AHNAK: variants seen among roughly 807,000 people sequenced by gnomAD.
AHNAK encodes the protein AHNAK nucleoprotein, also known as neuroblast differentiation-associated protein AHNAK.
A neutral mutation model predicts 37.8 loss-of-function variants in AHNAK; 23 were observed. The observed-to-expected ratio is 0.61, with a 90% CI of 0.44 to 0.86. AHNAK has a LOEUF of 0.86. Among genes scored for constraint, AHNAK ranks in the 40% least tolerant of loss-of-function variants. The probability of loss-of-function intolerance (pLI) is 0.00; values close to 1 mark genes in which losing one functional copy is unlikely to be tolerated. For missense variants in AHNAK, 7,411 were observed against 7,319.4 expected (o/e 1.01, Z -0.46); for synonymous variants, 2,481 against 2,636.3 (o/e 0.94, Z 1.80).
In AHNAK at chr11:62,522,863, G is replaced by A. The variant is rs755792371; in HGVS notation, c.11554C>T (p.Pro3852Ser). ...TTGGGACCTTTCAACTTTCCCTCTG[G>A]GCCTTCGATATTCACATCTGGAACA... is the stretch of plus-strand genomic sequence containing the variant. ...IDVPDVNIEG[P>S]EGKLKGPKFK... The change falls in exon 5 of 5, where the codon CCA (proline) becomes TCA (serine). Residue 3852 changes from proline (P) to serine (S), a missense_variant. Pro to Ser is a moderately conservative substitution (Grantham distance 74). Transcript: ENST00000378024. 5.0e-6 allele frequency: 8 copies of A among 1,611,374 alleles called. No individual in the cohort carries two copies. The East Asian group carries it at 1.1e-4, about 23-fold the overall frequency.
intron 4 of AHNAK, among the ~76,000 whole-genome samples, chr11:62,495,852 C>T (rs540716506): frequency 6.6e-6 from 1 of 152,026 alleles, no homozygotes; most frequent in East Asian, 1.9e-4. Flanking sequence ...AGTTCGAGAC[C>T]AGCCTGGCCA....
At chr11:62,455,216 A>G (rs1938630509) in intron 5 of AHNAK, among the ~76,000 whole-genome samples, 1 of 151,074 alleles carries the variant, frequency 6.6e-6, no homozygotes, top group Non-Finnish European at 1.5e-5. Context: ...TACAGGCATG[A>G]GCCACCGCAC....
intron 4 of AHNAK, among the ~76,000 whole-genome samples, chr11:62,509,082 G>C (rs1310961903): frequency 1.3e-5 from 2 of 152,064 alleles, no homozygotes; most frequent in African/African-American, 4.8e-5. Context: ...CTCCTGACAC[G>C]AGGCACCAAA....
chr11:62,491,758 GC>G lies in AHNAK; in HGVS notation c.415del (p.Ala139GlnfsTer27), dbSNP rs1177670317. ...TGCATTTGGGGTGGAGACTGAAACT[GC>G]CCCGGCTTGGCTGCTGGCTTCCTTC... On this transcript the variant is annotated frameshift_variant, in exon 5 of 6. Coordinates refer to the AHNAK transcript ENST00000257247. LOFTEE classifies it high-confidence loss of function. 6.2e-7 allele frequency: 1 copy of G among 1,612,512 alleles called. No individual in the cohort carries two copies. Among genetic ancestry groups the G allele is most frequent in the South Asian group, 1.1e-5 (1 of 90,524 alleles).
intron 5 of AHNAK, among the ~76,000 whole-genome samples, chr11:62,448,758 A>G (rs1180674779): frequency 1.3e-5 from 2 of 152,160 alleles, no homozygotes; most frequent in Non-Finnish European, 2.9e-5. Context: ...GGAATTGTCA[A>G]CCTACAGATG....
chr11:62,529,017 A>G lies in AHNAK; in HGVS notation c.5400T>C (p.Asp1800=). The G allele has an allele frequency of 6.2e-7, 1 of 1,614,164 alleles. No individual in the cohort carries two copies. The highest frequency in any genetic ancestry group is 8.5e-7 in the Non-Finnish European group (1 of 1,180,028). The stretch of plus-strand genomic sequence containing the variant: ...CACCTTCCAGTTCTGGCACAGAAGC[A>G]TCTATCTCTCCCTTCAGTTTGGGTC... ...LKGPKLKGEI[D]ASVPELEGDL... Residue 1800 remains aspartate, a synonymous_variant, in exon 5 of 5, where the codon GAT becomes GAC. Transcript: ENST00000378024.
downstream of AHNAK, among the ~76,000 whole-genome samples, chr11:62,515,727 C>G (rs1402187367): frequency 6.6e-6 from 1 of 152,226 alleles, no homozygotes; most frequent in Non-Finnish European, 1.5e-5. Flanking sequence ...CCAGCCTCAC[C>G]ATGAGAATCA....
chr11:62,517,115 A>G lies in AHNAK; in HGVS notation c.17302T>C (p.Phe5768Leu), dbSNP rs755631097. 1.9e-6 allele frequency: 3 copies of G among 1,613,234 alleles called. No individual in the cohort carries two copies. The highest frequency in any genetic ancestry group is 1.7e-6 in the Non-Finnish European group (2 of 1,179,844). Residue 5768 changes from phenylalanine to leucine, a missense_variant, in exon 5 of 5, where the codon TTC becomes CTC. By Grantham distance (22) the Phe-to-Leu change is conservative. Transcript: ENST00000378024. Reference sequence around the variant, plus strand: ...GGCTTCTTACTTTTAAATAAGGAGAATTTGCCTTTCGGTGAAGAGGCTTCG... The same window carrying G: ...GGCTTCTTACTTTTAAATAAGGAGAGTTTGCCTTTCGGTGAAGAGGCTTCG... ...EAEASSPKGK[F>L]SLFKSKKPRH...
intron 4 of AHNAK, among the ~76,000 whole-genome samples, chr11:62,495,291 T>C (rs562643087): frequency 5.3e-4 from 81 of 152,006 alleles, no homozygotes; most frequent in Non-Finnish European, 7.6e-4. Flanking sequence ...TTAGGAAATA[T>C]GAAAGAAGGA....
Position 62,527,618 on chromosome 11 carries a change from A to C in AHNAK, c.6799T>G (p.Leu2267Val). 6.2e-7 allele frequency: 1 copy of C among 1,613,942 alleles called. No individual in the cohort carries two copies. The highest frequency in any genetic ancestry group is 1.1e-5 in the South Asian group (1 of 91,052). ...GAGACATCAACGTCAGCCTTGGGCA[A>C]GTTCACATCCACTTCTGGGCCCTCT... ...KGEGPEVDVN[L>V]PKADVDVSGP... The change falls in exon 5 of 5, where the codon TTG (leucine) becomes GTG (valine). Residue 2267 changes from leucine to valine, a missense_variant. Transcript: ENST00000378024.
intron 5 of AHNAK, among the ~76,000 whole-genome samples, chr11:62,465,442 G>A (rs75564531): frequency 2.6e-5 from 4 of 151,894 alleles, no homozygotes; most frequent in East Asian, 1.9e-4. Flanking sequence ...GTGAAACCCC[G>A]TCTCTACTAA....
intron 4 of AHNAK, among the ~76,000 whole-genome samples, chr11:62,505,947 G>T (rs1939803325): frequency 6.8e-6 from 1 of 146,566 alleles, no homozygotes; most frequent in Non-Finnish European, 1.5e-5. Flanking sequence ...CGGCACTTCC[G>T]CAGGCCAAGG....
rs1461471150 is a variant in AHNAK, at chr11:62,533,117, T to A, written c.1300A>T (p.Met434Leu). 1 of 1,574,480 alleles carries A rather than the reference T, an allele frequency of 6.4e-7. No individual in the cohort carries two copies. The highest frequency in any genetic ancestry group is 2.2e-5 in the East Asian group (1 of 44,650). Residue 434 changes from methionine to leucine, a missense_variant, in exon 5 of 5, where the codon ATG becomes TTG. By Grantham distance (15) the Met-to-Leu change is conservative. Transcript: ENST00000378024. The part of the protein sequence containing the change: ...GPGSKLNVPK[M>L]KVPKFSVSGA... Reference sequence around the variant, plus strand: ...GATACAGAGAACTTGGGGACTTTCATCTTGGGCACATTCAGTTTGCTCCCA... The same window carrying A: ...GATACAGAGAACTTGGGGACTTTCAACTTGGGCACATTCAGTTTGCTCCCA...
At position 62,522,784 on chromosome 11, in the gene AHNAK, A is replaced by G. The variant is rs1940312554; in HGVS notation, c.11633T>C (p.Ile3878Thr). The G allele has an allele frequency of 6.2e-7, 1 of 1,613,476 alleles. No homozygotes were observed. Residue 3878 changes from isoleucine (I) to threonine (T), a missense_variant, in exon 5 of 5, where the codon ATT (isoleucine) becomes ACT (threonine). By Grantham distance (89) the Ile-to-Thr change is moderately conservative. Transcript: ENST00000378024. ...TTTGGGTCCTTTCAGGTTAAGATCAATGTCAGGCATGGAGATCTTGGGGGC... is the reference window on the plus strand; with the variant it reads ...TTTGGGTCCTTTCAGGTTAAGATCAGTGTCAGGCATGGAGATCTTGGGGGC... ...IKAPKISMPD[I>T]DLNLKGPKVK...
chr11:62,528,459 G>T lies in AHNAK; in HGVS notation c.5958C>A (p.Thr1986=). ...KFKMPEMHFK[T]PKISMPDVDL... ...CCACATCAGGCATGGAGATCTTGGG[G>T]GTCTTGAAGTGCATCTCAGGCATCT... is the stretch of plus-strand genomic sequence containing the variant. Residue 1986 remains threonine, a synonymous_variant, in exon 5 of 5, where the codon ACC becomes ACA. Coordinates refer to ENST00000378024, the MANE Select transcript of AHNAK (RefSeq NM_001620.3). 1 of 1,613,516 alleles carries T rather than the reference G, an allele frequency of 6.2e-7. No individual in the cohort carries two copies. Among genetic ancestry groups the T allele is most frequent in the Non-Finnish European group, 8.5e-7 (1 of 1,179,940 alleles).
Position 62,519,727 on chromosome 11 carries a change from G to C in AHNAK, c.14690C>G (p.Ala4897Gly). 2 of 1,613,710 alleles carry C rather than the reference G, an allele frequency of 1.2e-6. No individual in the cohort carries two copies. The highest frequency in any genetic ancestry group is 1.7e-6 in the Non-Finnish European group (2 of 1,179,866). Residue 4897 changes from alanine (A) to glycine (G), a missense_variant, in exon 5 of 5, where the codon GCC (alanine) becomes GGC (glycine). Ala to Gly is a moderately conservative substitution (Grantham distance 60). Coordinates refer to ENST00000378024, the MANE Select transcript of AHNAK (RefSeq NM_001620.3). ...CTTCAAAGATGGGCCACTGAGTTTG[G>C]CATCAGGGCCTTCGAAATCCAGACG... ...GPRLDFEGPD[A>G]KLSGPSLKMP... is the part of the protein sequence containing the mutation.
chr11:62,455,353 G>T (rs1039745702), intron 5 of AHNAK, among the ~76,000 whole-genome samples: 1 of 152,110 alleles, frequency 6.6e-6, no homozygotes, highest in Non-Finnish European at 1.5e-5. Flanking sequence ...GGGCTGACTG[G>T]CAGCGCAGTG....
chr11:62,518,610 T>G lies in AHNAK; in HGVS notation c.15807A>C (p.Pro5269=), dbSNP rs1422760339. Residue 5269 remains proline, a synonymous_variant, in exon 5 of 5, where the codon CCA becomes CCC. Transcript: ENST00000378024. ...LPSLEGDLRG[P]DVKLEGPDVS... ...CATCGGGCCCTTCGAGCTTAACATC[T>G]GGTCCTCTCAAGTCTCCTTCAAGAG... is the stretch of plus-strand genomic sequence containing the variant. 11 of 1,614,106 alleles carry G rather than the reference T, an allele frequency of 6.8e-6. No individual in the cohort carries two copies. Among genetic ancestry groups the G allele is most frequent in the Admixed American group, 1.7e-5 (1 of 59,994 alleles).
chr11:62,514,091 T>TA (rs376428568), downstream of AHNAK, among the ~76,000 whole-genome samples: 224 of 151,758 alleles, frequency 1.5e-3, no homozygotes, highest in African/African-American at 5.0e-3. Context: ...TTCCTAAAGT[T>TA]AAAAAAAAAT....
Sources: allele counts gnomAD v4.1 joint callset (sites outside exome capture counted in the v4.1 genomes callset), GRCh38; gene constraint gnomAD v4.1.1; transcripts MANE v1.5; gene names NCBI Gene and HGNC (gene_info 2026-07-23, HGNC 2026-07-21).